Variants in YTHDF3 observed in about 807,000 individuals in gnomAD.
The protein encoded by YTHDF3 is YTH N6-methyladenosine RNA binding protein F3.
In YTHDF3, 9 loss-of-function variants were observed where a neutral mutation model predicts 52.5. The observed-to-expected ratio is 0.17, with a 90% CI of 0.10 to 0.30. The LOEUF (loss-of-function observed/expected upper bound fraction) is 0.30. Ranked by LOEUF, YTHDF3 falls within the 10% of genes least tolerant of loss-of-function variation. The pLI is 1.00. For synonymous variants in YTHDF3, 274 were observed against 243.3 expected, an observed-to-expected ratio of 1.13 and a Z score of -1.18; for missense variants, 534 against 715.0, an observed-to-expected ratio of 0.75 and a Z score of 2.89.
chr8:63,206,137 G>A (rs756871636), intron 4 of YTHDF3, among the ~76,000 whole-genome samples: 8 of 151,898 alleles, frequency 5.3e-5, no homozygotes, highest in Non-Finnish European at 2.9e-5. Flanking sequence ...GCAATGGCGC[G>A]ATCTTGGCTC....
intron 3 of YTHDF3, among the ~76,000 whole-genome samples, chr8:63,179,638 A>G (rs1254538040): frequency 2.0e-5 from 3 of 152,176 alleles, no homozygotes; most frequent in Admixed American, 6.5e-5. Flanking sequence ...AGACACGGCA[A>G]CCATCCGATT....
intron 1 of YTHDF3, 106 bp from the exon 2 acceptor site, chr8:63,169,281 C>T (rs1807113386): frequency 6.9e-7 from 1 of 1,444,428 alleles, no homozygotes; most frequent in Non-Finnish European, 9.4e-7. Flanking sequence ...TTTACTCCTA[C>T]GCGGATAGTC....
intron 4 of YTHDF3, among the ~76,000 whole-genome samples, chr8:63,207,678 A>G (rs1374341513): frequency 6.6e-6 from 1 of 152,158 alleles, no homozygotes; most frequent in Non-Finnish European, 1.5e-5. Flanking sequence ...CATTGTTACA[A>G]CCGATCATCT....
chr8:63,173,812 C>T, intron 2 of YTHDF3: 1 of 328,086 alleles, frequency 3.0e-6, no homozygotes, highest in Non-Finnish European at 4.4e-6. Context: ...GCATATTTAG[C>T]TCAATCCTAG....
Position 63,169,390 on chromosome 8 carries a change from C to G in YTHDF3, c.28C>G (p.Pro10Ala), listed in dbSNP as rs768185920. Residue 10 changes from proline (P) to alanine (A), a missense_variant, in exon 2 of 5, where the codon CCT becomes GCT. Transcript: ENST00000539294. MSATSVDQR[P>A]KGQGNKVSVQ... ...CATCTTTCGTCTTGCAACACAGAGA[C>G]CTAAAGGGCAAGGAAATAAAGGTGA... 1 of 1,601,708 alleles carries G rather than the reference C, an allele frequency of 6.2e-7. No individual in the cohort carries two copies. Among genetic ancestry groups the G allele is most frequent in the African/African-American group, 1.3e-5 (1 of 74,782 alleles).
intron 4 of YTHDF3, among the ~76,000 whole-genome samples, chr8:63,201,682 C>T (rs909589087): frequency 2.6e-5 from 4 of 151,998 alleles, no homozygotes; most frequent in Non-Finnish European, 4.4e-5. Context: ...GCATTTGACG[C>T]GCTTGATATA....
At chr8:63,189,422 A>G (rs2150378032) in intron 4 of YTHDF3, among the ~76,000 whole-genome samples, 1 of 152,324 alleles carries the variant, frequency 6.6e-6, no homozygotes, top group Admixed American at 6.5e-5. Context: ...GAAACTTAGT[A>G]GGGGTAAAGT....
intron 4 of YTHDF3, among the ~76,000 whole-genome samples, chr8:63,205,569 GA>G: frequency 6.6e-6 from 1 of 151,886 alleles, no homozygotes. Context: ...GAGTGGCTGG[GA>G]TTACAGGTGT....
intron 4 of YTHDF3, among the ~76,000 whole-genome samples, chr8:63,204,114 T>C (rs1033514233): frequency 6.6e-6 from 1 of 152,026 alleles, no homozygotes; most frequent in African/African-American, 2.4e-5. Flanking sequence ...TTTTTGTTGT[T>C]TGTCACCCTT....
intron 4 of YTHDF3, 30 bp from the exon 5 acceptor site, chr8:63,209,648 ATTCTT>A: frequency 6.5e-7 from 1 of 1,536,660 alleles, no homozygotes; most frequent in Non-Finnish European, 8.7e-7. Context: ...TTTCATTGTA[ATTCTT>A]TTTGTGTGTG....
In YTHDF3 at chr8:63,199,953, C is replaced by CT. The variant is rs566901598; in HGVS notation, c.1735-9729dup. Among the ~76,000 whole-genome samples the CT allele has an allele frequency of 3.2e-3, 481 of 152,208 alleles. 1 individual carries two copies. Among genetic ancestry groups the CT allele is most frequent in the Non-Finnish European group, 4.5e-3 (305 of 68,024 alleles). On this transcript the variant is annotated intron_variant, in intron 4 of 4. Coordinates refer to ENST00000539294, the MANE Select transcript of YTHDF3 (RefSeq NM_152758.6). ...TGCTGTCTCAGTTATTTACGACTGTCTAATAGATTTCTCCAAAACTCATTG... is the reference window on the plus strand; with the variant it reads ...TGCTGTCTCAGTTATTTACGACTGTCTTAATAGATTTCTCCAAAACTCATTG...
At position 63,173,481 on chromosome 8, in the gene YTHDF3, T is replaced by TCC. The variant is rs368857459; in HGVS notation, c.50-1850_50-1849insCC. On this transcript the variant is annotated intron_variant, in intron 2 of 4. Coordinates refer to ENST00000539294, the MANE Select transcript of YTHDF3 (RefSeq NM_152758.6). The stretch of plus-strand genomic sequence containing the variant: ...GGTCTTGAGCTCCTGGCCTGGCACT[T>TCC]TTTGTATTTGTATGAACTAGATTTT... Among the ~76,000 whole-genome samples the TCC allele has an allele frequency of 7.2e-4, 109 of 152,104 alleles. 1 individual carries two copies. Among genetic ancestry groups the TCC allele is most frequent in the African/African-American group, 2.5e-3 (104 of 41,488 alleles).
Position 63,186,760 on chromosome 8 carries a change from C to G in YTHDF3, c.749C>G (p.Pro250Arg). ...AIARKPAKPQ[P>R]KLKPKGNVGI... is the part of the protein sequence containing the mutation. ...GCCAGAAAGCCTGCCAAACCTCAAC[C>G]GAAACTTAAACCCAAGGGCAATGTG... Residue 250 changes from proline to arginine, a missense_variant, in exon 4 of 5, where the codon CCG becomes CGG. Pro to Arg is a moderately radical substitution (Grantham distance 103). Around this residue, in one of 3 missense-constraint regions of YTHDF3, gnomAD observed 203 missense variants for 201.3 expected, o/e 1.01. Transcript: ENST00000539294. 6.2e-7 allele frequency: 1 copy of G among 1,613,988 alleles called. No homozygotes were observed. The highest frequency in any genetic ancestry group is 8.5e-7 in the Non-Finnish European group (1 of 1,179,900).
At chr8:63,191,178 T>A (rs752421949) in intron 4 of YTHDF3, among the ~76,000 whole-genome samples, 10 of 152,216 alleles carry the variant, frequency 6.6e-5, no homozygotes, top group African/African-American at 2.4e-4. Flanking sequence ...GATTTTTCTT[T>A]ATTTTTACAT....
Position 63,169,321 on chromosome 8 carries a change from G to C in YTHDF3, c.25-66G>C, listed in dbSNP as rs374501062. The stretch of plus-strand genomic sequence containing the variant: ...ATAACTTGTCTTTGATAATGCCTTT[G>C]ATTAACACACTTTTTCTTTTCTTCC... On this transcript the variant is annotated intron_variant, in intron 1 of 4. Transcript: ENST00000539294. The C allele has an allele frequency of 2.6e-6, 4 of 1,546,394 alleles. No individual in the cohort carries two copies. In the African/African-American group the frequency reaches 4.1e-5, roughly 16 times the overall value.
chr8:63,168,864 G>C lies in YTHDF3; in HGVS notation c.-14G>C. On this transcript the variant is annotated 5_prime_UTR_variant, in exon 1 of 5. Coordinates refer to ENST00000539294, the MANE Select transcript of YTHDF3 (RefSeq NM_152758.6). Reference sequence around the variant, plus strand: ...GCAGCGGCGGCGGCGGCGGCTCTCGGGTTGCGGTGAAGAATGTCAGCCACT... The same window carrying C: ...GCAGCGGCGGCGGCGGCGGCTCTCGCGTTGCGGTGAAGAATGTCAGCCACT... 6.4e-7 allele frequency: 1 copy of C among 1,554,762 alleles called. No homozygotes were observed. The highest frequency in any genetic ancestry group is 1.2e-5 in the South Asian group (1 of 84,272).
At chr8:63,202,436 C>T (rs1274109292) in intron 4 of YTHDF3, among the ~76,000 whole-genome samples, 2 of 150,652 alleles carry the variant, frequency 1.3e-5, no homozygotes, top group Admixed American at 6.6e-5. Context: ...GGGGTTTTAT[C>T]CATCTGTTAC....
At position 63,168,672 on chromosome 8, in the gene YTHDF3, G is replaced by A. The variant is rs1001122030; in HGVS notation, c.-206G>A. The A allele has an allele frequency of 3.4e-6, 3 of 887,948 alleles. No homozygotes were observed. The highest frequency in any genetic ancestry group is 5.2e-6 in the Non-Finnish European group (3 of 581,506). The allele number at this position is 887,948 out of a possible 1,614,324, so 55.0% of individuals were successfully genotyped here. ...TGGACCCGAGAAGCAGAGAGCGAGA[G>A]GGGGAAGAGGAGCGTGCAAGCGGAA... On this transcript the variant is annotated 5_prime_UTR_variant, in exon 1 of 5. Transcript: ENST00000539294.
chr8:63,189,493 T>C (rs950164836), intron 4 of YTHDF3, among the ~76,000 whole-genome samples: 1 of 152,216 alleles, frequency 6.6e-6, no homozygotes, highest in Non-Finnish European at 1.5e-5. Context: ...ATGGAATGCT[T>C]GTTCCTATGT....
Sources: gnomAD v4.1 joint callset for allele counts (sites outside exome capture counted in the v4.1 genomes callset) on GRCh38, gnomAD v4.1.1 for gene constraint, gnomAD v4.1.1 regional missense constraint, MANE v1.5 for transcripts, NCBI Gene and HGNC (gene_info 2026-07-23, HGNC 2026-07-21) for gene names.